The following PPARD variants were observed in gnomAD, a reference collection of about 807,000 sequenced individuals.
PPARD encodes the protein peroxisome proliferator activated receptor delta.
PPARD carries 6 observed loss-of-function variants against 39.5 expected under a neutral mutation model. That is an observed-to-expected ratio of 0.15 (90% CI 0.08 to 0.30). The LOEUF (loss-of-function observed/expected upper bound fraction) is 0.30, where lower values mean the gene tolerates loss of function less well. Among genes scored for constraint, PPARD ranks in the 10% least tolerant of loss-of-function variants. The pLI, the probability that PPARD is intolerant of heterozygous loss-of-function variation, is 1.00. For synonymous variants in PPARD, 210 were observed against 231.3 expected (o/e 0.91, Z 0.83); for missense variants, 397 against 596.8 (o/e 0.67, Z 3.49).
chr6:35,364,979 G>T (rs1185113168), intron 2 of PPARD, among the ~76,000 whole-genome samples: 3 of 151,940 alleles, frequency 2.0e-5, no homozygotes, highest in Admixed American at 2.0e-4. Flanking sequence ...AAAGTGGTGG[G>T]ATTACAGGCG....
chr6:35,424,217 C>A lies in PPARD; in HGVS notation c.627+69C>A. On this transcript the variant is annotated intron_variant, in intron 6 of 7. Coordinates refer to ENST00000360694, the MANE Select transcript of PPARD (RefSeq NM_006238.5). The surrounding 1 kb of genome is among the most constrained non-coding windows in gnomAD (Gnocchi z 7.1). ...GGTCCCACTGCCGCCTGCCTGACTCCGGGAGAGCCAGGCCTTCTCCCTCCC... is the reference window on the plus strand; with the variant it reads ...GGTCCCACTGCCGCCTGCCTGACTCAGGGAGAGCCAGGCCTTCTCCCTCCC... 3 of 1,593,606 alleles carry A rather than the reference C, an allele frequency of 1.9e-6. No individual in the cohort carries two copies. The highest frequency in any genetic ancestry group is 2.6e-6 in the Non-Finnish European group (3 of 1,168,094).
At chr6:35,380,459 GTTTTTTTTTTTTGTTTGTTTTT>G (rs1309452511) in intron 2 of PPARD, among the ~76,000 whole-genome samples, 32 of 97,154 alleles carry the variant, frequency 3.3e-4, no homozygotes, top group African/African-American at 8.4e-4. Context: ...TTAACCTCGT[GTTTTTTTTTTTTGTTTGTTTTT>G]TTTTTTTTTT....
intron 2 of PPARD, among the ~76,000 whole-genome samples, chr6:35,384,075 C>T (rs1298060437): frequency 7.1e-6 from 1 of 141,124 alleles, no homozygotes; most frequent in Non-Finnish European, 1.5e-5. Flanking sequence ...CCGCCCCGTC[C>T]GGGAGGGAGG....
At chr6:35,415,729 A>G (rs1356180839) in intron 3 of PPARD, among the ~76,000 whole-genome samples, 1 of 148,696 alleles carries the variant, frequency 6.7e-6, no homozygotes, top group Non-Finnish European at 1.5e-5. Context: ...CTAGGTTATA[A>G]TTCTTGCTCT....
chr6:35,343,685 C>T (rs886103858), intron 1 of PPARD, among the ~76,000 whole-genome samples: 2 of 152,234 alleles, frequency 1.3e-5, no homozygotes, highest in African/African-American at 4.8e-5. Flanking sequence ...AATACTTCCC[C>T]TTTATGGGGC....
chr6:35,381,374 G>A (rs1378748819), intron 2 of PPARD, among the ~76,000 whole-genome samples: 5 of 152,200 alleles, frequency 3.3e-5, no homozygotes, highest in Non-Finnish European at 5.9e-5. Context: ...TTACTCATGA[G>A]TCAGTTAGGA....
At chr6:35,406,743 T>TA (rs1765077584) in intron 2 of PPARD, among the ~76,000 whole-genome samples, 2 of 152,042 alleles carry the variant, frequency 1.3e-5, no homozygotes, top group Admixed American at 1.3e-4. Context: ...ACCACTTACT[T>TA]ACACCTCCCG....
At chr6:35,386,790 G>A (rs1307380525) in intron 2 of PPARD, among the ~76,000 whole-genome samples, 1 of 152,056 alleles carries the variant, frequency 6.6e-6, no homozygotes, top group Non-Finnish European at 1.5e-5. Context: ...CAAAAAGGTT[G>A]CTGTAGTCTT....
intron 2 of PPARD, among the ~76,000 whole-genome samples, chr6:35,395,360 C>CT (rs1300204348): frequency 6.6e-6 from 1 of 152,166 alleles, no homozygotes; most frequent in African/African-American, 2.4e-5. Flanking sequence ...AAGGGGCCCC[C>CT]TTCTATTTCC....
intron 2 of PPARD, among the ~76,000 whole-genome samples, chr6:35,392,931 C>T (rs536924359): frequency 9.2e-5 from 14 of 152,330 alleles, no homozygotes; most frequent in African/African-American, 2.6e-4. Context: ...TTGGGAAAAA[C>T]TGGCTCCGGC....
At chr6:35,362,100 AT>A (rs755793496) in intron 2 of PPARD, among the ~76,000 whole-genome samples, 4 of 151,610 alleles carry the variant, frequency 2.6e-5, no homozygotes, top group Admixed American at 6.6e-5. Flanking sequence ...TTGATATATG[AT>A]TTTTTTTTCT....
At chr6:35,365,314 G>A (rs1762154297) in intron 2 of PPARD, among the ~76,000 whole-genome samples, 2 of 148,548 alleles carry the variant, frequency 1.3e-5, no homozygotes, top group African/African-American at 5.1e-5. Context: ...GTGTGTGTGT[G>A]TATTTTTAGT....
At chr6:35,417,899 T>C (rs1278937683) in intron 3 of PPARD, among the ~76,000 whole-genome samples, 1 of 152,204 alleles carries the variant, frequency 6.6e-6, no homozygotes, top group East Asian at 1.9e-4. Flanking sequence ...ATATAGAAGG[T>C]GCTTATCATG....
At chr6:35,387,484 A>T (rs1175557034) in intron 2 of PPARD, among the ~76,000 whole-genome samples, 1 of 151,966 alleles carries the variant, frequency 6.6e-6, no homozygotes, top group African/African-American at 2.4e-5. Flanking sequence ...TGGACTCAGG[A>T]TCTCCCACCC....
intron 5 of PPARD, among the ~76,000 whole-genome samples, chr6:35,423,681 T>A (rs1036242233): frequency 6.6e-6 from 1 of 151,948 alleles, no homozygotes; most frequent in Non-Finnish European, 1.5e-5. Flanking sequence ...CTCAGTAAGT[T>A]AGAGTCCTTG....
chr6:35,374,286 G>A (rs564828697), intron 2 of PPARD, among the ~76,000 whole-genome samples: 1 of 145,284 alleles, frequency 6.9e-6, no homozygotes, highest in East Asian at 1.9e-4. Flanking sequence ...TTATTGCTAA[G>A]GTCATGGTTA....
At chr6:35,371,822 CT>C (rs1298393713) in intron 2 of PPARD, among the ~76,000 whole-genome samples, 1 of 152,238 alleles carries the variant, frequency 6.6e-6, no homozygotes, top group Non-Finnish European at 1.5e-5. Context: ...CTCTCTGGGC[CT>C]GGCCTTGTTG....
At position 35,424,929 on chromosome 6, in the gene PPARD, C is replaced by G. The variant is rs949976211; in HGVS notation, c.1078+150C>G. On this transcript the variant is annotated intron_variant, in intron 7 of 7. Transcript: ENST00000360694. This position sits in a 1 kb window ranked among gnomAD's most constrained non-coding sequence, Gnocchi z 7.1. Reference sequence around the variant, plus strand: ...TGGAACATGCAAGGCACTGACTGAGCATGCAGGATCAGCTCCATCTCATTA... The same window carrying G: ...TGGAACATGCAAGGCACTGACTGAGGATGCAGGATCAGCTCCATCTCATTA... 28 of 1,443,406 alleles carry G rather than the reference C, an allele frequency of 1.9e-5. No individual in the cohort carries two copies. In the African/African-American group the frequency reaches 3.6e-4, roughly 18 times the overall value. 89.4% of individuals were successfully genotyped at this position (1,443,406 alleles called of 1,614,324 possible).
intron 2 of PPARD, among the ~76,000 whole-genome samples, chr6:35,380,465 TTTTTTTGTTTG>T (rs1763076069): frequency 8.6e-6 from 1 of 115,740 alleles, no homozygotes; most frequent in African/African-American, 6.6e-5. Flanking sequence ...TCGTGTTTTT[TTTTTTTGTTTG>T]TTTTTTTTTT....
Sources: allele counts gnomAD v4.1 joint callset (sites outside exome capture counted in the v4.1 genomes callset), GRCh38; gene constraint gnomAD v4.1.1; non-coding constraint Gnocchi (gnomAD v3.1); transcripts MANE v1.5; gene names NCBI Gene and HGNC (gene_info 2026-07-23, HGNC 2026-07-21).